Variants in EYS observed in about 807,000 individuals in gnomAD.
EYS encodes the protein EGF-like photoreceptor maintenance factor.
Under a neutral mutation model 282.1 loss-of-function variants are expected in EYS, and 250 were observed. The observed-to-expected ratio is 0.89, with a 90% CI of 0.80 to 0.98. The LOEUF is 0.98. Among genes scored for constraint, EYS ranks in the 50% least tolerant of loss-of-function variants. EYS has a pLI of 0.00. For missense variants in EYS, 4,016 were observed against 3,709.0 expected (o/e 1.08, Z -2.15); for synonymous variants, 1,355 against 1,282.9 (o/e 1.06, Z -1.20).
intron 21 of EYS, among the ~76,000 whole-genome samples, chr6:64,817,582 A>AT (rs1171950969): frequency 6.6e-6 from 1 of 151,762 alleles, no homozygotes; most frequent in Non-Finnish European, 1.5e-5. Flanking sequence ...AAAATAGGTC[A>AT]TTTTTTCGAA....
intron 31 of EYS, among the ~76,000 whole-genome samples, chr6:64,200,374 T>C (rs1220899740): frequency 6.6e-6 from 1 of 152,188 alleles, no homozygotes; most frequent in Non-Finnish European, 1.5e-5. Flanking sequence ...TCAGTTATAA[T>C]AAATGTGTCA....
At position 64,630,348 on chromosome 6, in the gene EYS, C is replaced by T. The variant is rs113235519; in HGVS notation, c.3444-4103G>A. ...TCCTGACCTCGTGATCCACCTGCCTCGGACTCCCAAAGTGCTGGGATTACA... is the reference window on the plus strand; with the variant it reads ...TCCTGACCTCGTGATCCACCTGCCTTGGACTCCCAAAGTGCTGGGATTACA... On this transcript the variant is annotated intron_variant, in intron 22 of 42. Transcript: ENST00000503581. Among the ~76,000 whole-genome samples the T allele has an allele frequency of 2.1e-3, 317 of 152,234 alleles. 3 individuals are homozygous for T. The highest frequency in any genetic ancestry group is 7.3e-3 in the African/African-American group (305 of 41,548).
chr6:63,954,914 G>A (rs954711477), intron 35 of EYS, among the ~76,000 whole-genome samples: 4 of 152,090 alleles, frequency 2.6e-5, no homozygotes, highest in Admixed American at 6.5e-5. Flanking sequence ...TGTCCTCAAG[G>A]AAATAACTTC....
intron 35 of EYS, among the ~76,000 whole-genome samples, chr6:63,904,502 C>T (rs533192737): frequency 7.7e-4 from 117 of 152,284 alleles, no homozygotes; most frequent in African/African-American, 2.5e-3. Flanking sequence ...GTCAGGCCTT[C>T]GGCTCCTCAT....
intron 1 of EYS, among the ~76,000 whole-genome samples, chr6:65,679,991 A>G (rs1768759800): frequency 6.6e-6 from 1 of 151,792 alleles, no homozygotes; most frequent in African/African-American, 2.4e-5. Context: ...TCTGTATTTT[A>G]AGTATTCTTT....
intron 12 of EYS, among the ~76,000 whole-genome samples, chr6:65,205,086 T>C (rs1582015383): frequency 6.9e-6 from 1 of 145,564 alleles, no homozygotes; most frequent in East Asian, 2.0e-4. Flanking sequence ...TATATTTATA[T>C]ATTCTTTATA....
intron 22 of EYS, among the ~76,000 whole-genome samples, chr6:64,667,461 G>A (rs1351925257): frequency 2.0e-5 from 3 of 151,548 alleles, no homozygotes; most frequent in Non-Finnish European, 4.4e-5. Context: ...GGATTGCTGG[G>A]AAGGACATTC....
At chr6:64,023,940 C>T (rs902321511) in intron 33 of EYS, among the ~76,000 whole-genome samples, 1 of 152,190 alleles carries the variant, frequency 6.6e-6, no homozygotes, top group African/African-American at 2.4e-5. Context: ...CTGCTGTGCT[C>T]AATTTCTCAC....
intron 27 of EYS, among the ~76,000 whole-genome samples, chr6:64,436,568 G>A (rs1378845433): frequency 6.6e-6 from 1 of 151,758 alleles, no homozygotes; most frequent in East Asian, 1.9e-4. Context: ...TCCTCTACTA[G>A]CAGAAAGCAA....
chr6:64,216,920 A>C (rs1765946448), intron 31 of EYS, among the ~76,000 whole-genome samples: 1 of 152,156 alleles, frequency 6.6e-6, no homozygotes, highest in Admixed American at 6.6e-5. Context: ...CTAATTGAGA[A>C]TTGGGCTGAG....
chr6:65,524,844 A>T (rs9363384), intron 2 of EYS, among the ~76,000 whole-genome samples: 32,280 of 152,174 alleles, frequency 0.21, 3,750 homozygotes, highest in East Asian at 0.3. Context: ...CTCTTTTATG[A>T]CAGAAGTGTC....
At chr6:63,927,329 G>A (rs538652628) in intron 35 of EYS, among the ~76,000 whole-genome samples, 1 of 152,190 alleles carries the variant, frequency 6.6e-6, no homozygotes, top group Non-Finnish European at 1.5e-5. Flanking sequence ...TGGGCCAGTT[G>A]CCCTTTGCAT....
chr6:64,045,437 A>T (rs866731467), intron 33 of EYS, among the ~76,000 whole-genome samples: 34 of 108,186 alleles, frequency 3.1e-4, no homozygotes, highest in African/African-American at 1.1e-3. Context: ...ATTTTATTTT[A>T]TTTATTTTAT....
chr6:64,734,292 G>C (rs899863477), intron 22 of EYS, among the ~76,000 whole-genome samples: 2 of 151,838 alleles, frequency 1.3e-5, no homozygotes, highest in East Asian at 3.9e-4. Flanking sequence ...TATTATCCAT[G>C]TAAGTTATCT....
chr6:65,511,848 G>C (rs1766880038), intron 2 of EYS, among the ~76,000 whole-genome samples: 1 of 151,842 alleles, frequency 6.6e-6, no homozygotes, highest in Non-Finnish European at 1.5e-5. Context: ...TCAGCTACTT[G>C]AGAGGTCCTA....
At chr6:65,231,586 G>A (rs1766783838) in intron 12 of EYS, among the ~76,000 whole-genome samples, 1 of 151,568 alleles carries the variant, frequency 6.6e-6, no homozygotes, top group Non-Finnish European at 1.5e-5. Context: ...ATACACAAAT[G>A]GATGAACAGC....
chr6:64,864,873 T>C (rs914415788), intron 19 of EYS, among the ~76,000 whole-genome samples: 1 of 151,626 alleles, frequency 6.6e-6, no homozygotes, highest in Non-Finnish European at 1.5e-5. Flanking sequence ...CCGTCTCTAC[T>C]AAAAATACAA....
At chr6:65,125,342 C>A (rs1303066899) in intron 12 of EYS, among the ~76,000 whole-genome samples, 1 of 152,070 alleles carries the variant, frequency 6.6e-6, no homozygotes, top group Non-Finnish European at 1.5e-5. Context: ...GTTGCTAAGC[C>A]CCCATCTCAA....
chr6:64,643,581 T>C (rs929566139), intron 22 of EYS, among the ~76,000 whole-genome samples: 1 of 152,178 alleles, frequency 6.6e-6, no homozygotes, highest in African/African-American at 2.4e-5. Flanking sequence ...TATCCCCTGA[T>C]ACGGTTTGGC....
Sources: allele counts gnomAD v4.1 joint callset (sites outside exome capture counted in the v4.1 genomes callset), GRCh38; gene constraint gnomAD v4.1.1; transcripts MANE v1.5; gene names NCBI Gene and HGNC (gene_info 2026-07-23, HGNC 2026-07-21).